The following LAMC3 variants were observed in gnomAD, a reference collection of about 807,000 sequenced individuals.
LAMC3 encodes the protein laminin subunit gamma 3.
Under a neutral mutation model 173.8 loss-of-function variants are expected in LAMC3, and 128 were observed. The observed-to-expected ratio is 0.74, with a 90% CI of 0.64 to 0.85. The LOEUF (loss-of-function observed/expected upper bound fraction) is 0.85. LAMC3 is among the 40% of genes least tolerant of loss of function. The pLI is 0.00. For synonymous variants in LAMC3, 897 were observed against 909.1 expected, an observed-to-expected ratio of 0.99 and a Z score of 0.24; for missense variants, 2,022 against 2,156.0, an observed-to-expected ratio of 0.94 and a Z score of 1.23.
chr9:131,079,503 G>C (rs1030105061), intron 23 of LAMC3, among the ~76,000 whole-genome samples: 1 of 152,130 alleles, frequency 6.6e-6, no homozygotes, highest in Admixed American at 6.6e-5. Context: ...GACCATCCTG[G>C]CTAACATGGT....
chr9:131,052,694 C>A lies in LAMC3; in HGVS notation c.1823+11C>A, dbSNP rs1588152743. The A allele has an allele frequency of 1.9e-6, 3 of 1,611,280 alleles. No homozygotes were observed. The East Asian group carries it at 6.7e-5, about 36-fold the overall frequency. ...AGAGCTCAGGTTCCAGTAAGTATCC[C>A]CTTCTGTCCTGAGAGATGGGGAGGT... On this transcript the variant is annotated intron_variant, in intron 10 of 27. Transcript: ENST00000361069.
At position 131,091,809 on chromosome 9, in the gene LAMC3, C is replaced by G. The variant is rs760208187; in HGVS notation, c.*22C>G. 6.8e-6 allele frequency: 11 copies of G among 1,610,006 alleles called. No individual in the cohort carries two copies. The African/African-American group carries it at 1.3e-4, about 20-fold the overall frequency. On this transcript the variant is annotated 3_prime_UTR_variant, in exon 28 of 28. Coordinates refer to ENST00000361069, the MANE Select transcript of LAMC3 (RefSeq NM_006059.4). ...GTGAGGGCTGCCCAGATCCCCGGCA[C>G]ACACTCCCCCACCTGCTGTTTACAT...
Position 131,057,005 on chromosome 9 carries a change from T to A in LAMC3, c.2016T>A (p.Ile672=). 5.6e-6 allele frequency: 9 copies of A among 1,614,138 alleles called. No homozygotes were observed. Among genetic ancestry groups the A allele is most frequent in the Non-Finnish European group, 7.6e-6 (9 of 1,180,034 alleles). ...CCCCGCCAGCCTCCTGGGTGGAGAT[T>A]TGTTCATGTCCCACTGGCTACACGG... The part of the protein sequence containing the change: ...GLSPPASWVE[I]CSCPTGYTGQ... The change falls in exon 12 of 28, where the codon ATT becomes ATA. Residue 672 remains isoleucine, a synonymous_variant. Coordinates refer to ENST00000361069, the MANE Select transcript of LAMC3 (RefSeq NM_006059.4).
At position 131,091,691 on chromosome 9, in the gene LAMC3, G is replaced by C. The variant is rs1830430432; in HGVS notation, c.4632G>C (p.Gln1544His). ...CCCAGCAGCAGGAGCTGCAGATCCAGGGCTTCGAGAGTGACCTCGCCGAGA... is the reference window on the plus strand; with the variant it reads ...CCCAGCAGCAGGAGCTGCAGATCCACGGCTTCGAGAGTGACCTCGCCGAGA... ...QESQQQELQI[Q>H]GFESDLAEIR... The change falls in exon 28 of 28, where the codon CAG becomes CAC. Residue 1544 changes from glutamine (Q) to histidine (H), a missense_variant. Physicochemically the swap from Gln to His is conservative, Grantham distance 24. Transcript: ENST00000361069. The C allele has an allele frequency of 3.7e-6, 6 of 1,611,102 alleles. No individual in the cohort carries two copies. In the East Asian group the frequency reaches 1.3e-4, roughly 36 times the overall value.
At chr9:131,071,251 G>A (rs572995264) in intron 17 of LAMC3, among the ~76,000 whole-genome samples, 1 of 152,320 alleles carries the variant, frequency 6.6e-6, no homozygotes, top group East Asian at 1.9e-4. Context: ...TAGGACAGCA[G>A]TGTGGTCAGC....
rs11244281 is a variant in LAMC3 at position 131,094,063 on chromosome 9, A to G, written c.*2276A>G. ...TCCTGACCTCAGATGATATACCTGCATTGGCCTCTTAAAGTTCTGGGATTT... is the reference window on the plus strand; with the variant it reads ...TCCTGACCTCAGATGATATACCTGCGTTGGCCTCTTAAAGTTCTGGGATTT... On this transcript the variant is annotated 3_prime_UTR_variant, in exon 28 of 28. Coordinates refer to ENST00000361069, the MANE Select transcript of LAMC3 (RefSeq NM_006059.4). 6,376 of 152,268 alleles carry G rather than the reference A, an allele frequency of 0.042. 193 individuals are homozygous for G. The highest frequency in any genetic ancestry group is 0.071 in the Middle Eastern group (21 of 294). The allele number at this position is 152,268 out of a possible 1,614,324, so 9.4% of individuals were successfully genotyped here. A position where few individuals can be genotyped will look rare whatever the true frequency, so the allele number is the denominator to read the frequency against.
rs1405677838 is a variant in LAMC3 at position 131,067,173 on chromosome 9, C to A, written c.2561C>A (p.Ala854Asp). Reference sequence around the variant, plus strand: ...TGTCAGGAAGGCTTCTACGGGAGCGCCCTGGCCCCTCGACCCGCAGACAAA... The same window carrying A: ...TGTCAGGAAGGCTTCTACGGGAGCGACCTGGCCCCTCGACCCGCAGACAAA... ...EHCQEGFYGS[A>D]LAPRPADKCM... Residue 854 changes from alanine to aspartate, a missense_variant, in exon 14 of 28, where the codon GCC becomes GAC. Ala to Asp is a moderately radical substitution (Grantham distance 126). Coordinates refer to ENST00000361069, the MANE Select transcript of LAMC3 (RefSeq NM_006059.4). 2 of 1,614,020 alleles carry A rather than the reference C, an allele frequency of 1.2e-6. No individual in the cohort carries two copies. The highest frequency in any genetic ancestry group is 1.7e-6 in the Non-Finnish European group (2 of 1,180,032).
intron 1 of LAMC3, among the ~76,000 whole-genome samples, chr9:131,021,530 G>A (rs1484235478): frequency 1.3e-5 from 2 of 151,896 alleles, no homozygotes; most frequent in African/African-American, 4.8e-5. Flanking sequence ...TCTGCTCTCA[G>A]ACGACAGCCA....
chr9:131,010,171 A>T (rs1833387715), intron 1 of LAMC3, among the ~76,000 whole-genome samples: 1 of 150,656 alleles, frequency 6.6e-6, no homozygotes, highest in Non-Finnish European at 1.5e-5. Context: ...AAAAAAAAAA[A>T]AAAAAAAGCT....
chr9:131,062,213 T>C (rs1188526938), intron 13 of LAMC3, among the ~76,000 whole-genome samples: 1 of 151,650 alleles, frequency 6.6e-6, no homozygotes, highest in Non-Finnish European at 1.5e-5. Context: ...TACGAAAAAT[T>C]AGCCAGGCGT....
intron 1 of LAMC3, among the ~76,000 whole-genome samples, chr9:131,021,683 A>G (rs1383612786): frequency 6.6e-6 from 1 of 152,192 alleles, no homozygotes; most frequent in Non-Finnish European, 1.5e-5. Context: ...TTGAGGGCTC[A>G]GTCCCCAAGG....
chr9:131,017,347 C>G (rs899194053), intron 1 of LAMC3, among the ~76,000 whole-genome samples: 3 of 152,134 alleles, frequency 2.0e-5, no homozygotes, highest in African/African-American at 7.2e-5. Flanking sequence ...TAGGAAACAT[C>G]CCGGCTTTTC....
chr9:131,034,418 C>T (rs1052324743), intron 3 of LAMC3, among the ~76,000 whole-genome samples: 4 of 152,234 alleles, frequency 2.6e-5, no homozygotes, highest in Non-Finnish European at 2.9e-5. Flanking sequence ...ACAGTGTGTC[C>T]GCTATCAGCT....
chr9:131,054,801 A>G (rs1044598159), intron 11 of LAMC3, among the ~76,000 whole-genome samples: 2 of 127,200 alleles, frequency 1.6e-5, no homozygotes, highest in Non-Finnish European at 3.2e-5. Flanking sequence ...AGAGAGAGAG[A>G]GAGTGAGAGA....
In LAMC3 at chr9:131,093,564, T is replaced by A. The variant is rs1303337392; in HGVS notation, c.*1777T>A. The stretch of plus-strand genomic sequence containing the variant: ...CCCCAGGTTGAATGGGGTGGGATGT[T>A]GGAGCTGCTCAGTCAGGGCTCTTGG... On this transcript the variant is annotated 3_prime_UTR_variant, in exon 28 of 28. Transcript: ENST00000361069. 3 of 152,256 alleles carry A rather than the reference T, an allele frequency of 2.0e-5. No homozygotes were observed. The highest frequency in any genetic ancestry group is 7.2e-5 in the African/African-American group (3 of 41,432). 9.4% of individuals were successfully genotyped at this position (152,256 alleles called of 1,614,324 possible). A position where few individuals can be genotyped will look rare whatever the true frequency, so the allele number is the denominator to read the frequency against.
chr9:131,056,011 A>G (rs1035123649), intron 11 of LAMC3, among the ~76,000 whole-genome samples: 2 of 141,154 alleles, frequency 1.4e-5, no homozygotes, highest in African/African-American at 5.5e-5. Context: ...CCTGGACAAC[A>G]AGGCGAAACC....
At chr9:131,085,823 C>G in intron 25 of LAMC3, 100 bp downstream of exon 25, 1 of 1,120,202 alleles carries the variant, frequency 8.9e-7, no homozygotes, top group Non-Finnish European at 1.3e-6. Flanking sequence ...ACTCCGCACT[C>G]ACTCACTGCT....
In LAMC3 at chr9:131,057,081, G is replaced by A. The variant is rs764948423; in HGVS notation, c.2092G>A (p.Gly698Arg). Residue 698 changes from glycine to arginine, a missense_variant, in exon 12 of 28, where the codon GGG becomes AGG. Gly to Arg is a moderately radical substitution (Grantham distance 125). Coordinates refer to ENST00000361069, the MANE Select transcript of LAMC3 (RefSeq NM_006059.4). ...GGGATACAAGAGGGAGATGCCACAG[G>A]GGGGTCCCTATGCCAGCTGTGTCCC... ...APGYKREMPQ[G>R]GPYASCVPCT... is the part of the protein sequence containing the mutation. The A allele has an allele frequency of 1.9e-6, 3 of 1,614,158 alleles. No individual in the cohort carries two copies. In the South Asian group the frequency reaches 3.3e-5, roughly 18 times the overall value.
chr9:131,023,872 G>A (rs1374577483), intron 1 of LAMC3, among the ~76,000 whole-genome samples: 2 of 152,014 alleles, frequency 1.3e-5, no homozygotes, highest in East Asian at 3.9e-4. Flanking sequence ...GTTTTTAATT[G>A]GGTTGTCTTT....
Sources: gnomAD v4.1 joint callset for allele counts (sites outside exome capture counted in the v4.1 genomes callset) on GRCh38, gnomAD v4.1.1 for gene constraint, MANE v1.5 for transcripts, NCBI Gene and HGNC (gene_info 2026-07-23, HGNC 2026-07-21) for gene names.